The following THSD4 variants were observed in gnomAD, a reference collection of about 807,000 sequenced individuals.
THSD4 encodes thrombospondin type 1 domain containing 4.
THSD4 carries 69 observed loss-of-function variants against 119.0 expected under a neutral mutation model. The ratio of observed to expected loss-of-function variants is 0.58; its 90% CI spans 0.48 to 0.71. The LOEUF (loss-of-function observed/expected upper bound fraction) is 0.71, where lower values mean the gene tolerates loss of function less well. Among genes scored for constraint, THSD4 ranks in the 30% least tolerant of loss-of-function variants. The pLI, the probability that THSD4 is intolerant of heterozygous loss-of-function variation, is 0.00. For synonymous variants in THSD4, 524 were observed against 540.4 expected, an observed-to-expected ratio of 0.97 and a Z score of 0.42; for missense variants, 1,393 against 1,391.1, an observed-to-expected ratio of 1.00 and a Z score of -0.02.
chr15:71,256,103 G>A (rs1301735326), intron 5 of THSD4, among the ~76,000 whole-genome samples: 9 of 152,218 alleles, frequency 5.9e-5, no homozygotes, highest in Non-Finnish European at 1.0e-4. Context: ...CTGGGGATCT[G>A]CATTTAAACT....
chr15:71,274,293 C>G (rs2044565588), intron 6 of THSD4, among the ~76,000 whole-genome samples: 1 of 152,208 alleles, frequency 6.6e-6, no homozygotes, highest in African/African-American at 2.4e-5. Context: ...TTCCTGACAC[C>G]TTTGGGGGAA....
At chr15:71,632,352 C>A (rs2050648759) in intron 7 of THSD4, among the ~76,000 whole-genome samples, 1 of 152,190 alleles carries the variant, frequency 6.6e-6, no homozygotes, top group South Asian at 2.1e-4. Flanking sequence ...CTGTATGACC[C>A]CTCCTTGATC....
chr15:71,359,396 A>C (rs1786287356), intron 6 of THSD4, among the ~76,000 whole-genome samples: 1 of 152,252 alleles, frequency 6.6e-6, no homozygotes. Context: ...TGGTTTTCAC[A>C]GTAACCCTGG....
At chr15:71,687,334 G>C (rs2051931979) in intron 8 of THSD4, among the ~76,000 whole-genome samples, 1 of 152,142 alleles carries the variant, frequency 6.6e-6, no homozygotes, top group South Asian at 2.1e-4. Context: ...GATATTTGCT[G>C]TTAGGACCAG....
intron 6 of THSD4, among the ~76,000 whole-genome samples, chr15:71,340,411 C>T (rs28658320): frequency 0.14 from 20,757 of 152,068 alleles, 1,475 homozygotes; most frequent in South Asian, 0.19. Flanking sequence ...TGCCATCCAC[C>T]CTGTAGCTTT....
chr15:71,556,087 A>G (rs1406543381), intron 7 of THSD4, among the ~76,000 whole-genome samples: 3 of 152,158 alleles, frequency 2.0e-5, no homozygotes, highest in Non-Finnish European at 4.4e-5. Flanking sequence ...ATCAGTTCGC[A>G]TTATTCTTTG....
At chr15:71,384,827 A>G (rs1173109484) in intron 6 of THSD4, among the ~76,000 whole-genome samples, 1 of 152,238 alleles carries the variant, frequency 6.6e-6, no homozygotes. Flanking sequence ...ATGTAAAGGT[A>G]GACATGACAA....
chr15:71,518,278 A>G (rs1474465546), intron 7 of THSD4, among the ~76,000 whole-genome samples: 1 of 151,950 alleles, frequency 6.6e-6, no homozygotes, highest in Non-Finnish European at 1.5e-5. Flanking sequence ...TAATTTATAT[A>G]AGAAGTTATG....
At chr15:71,492,340 C>T (rs1425501520) in intron 7 of THSD4, among the ~76,000 whole-genome samples, 7 of 152,156 alleles carry the variant, frequency 4.6e-5, no homozygotes, top group Admixed American at 2.6e-4. Context: ...TCTCAGCTCA[C>T]TGCAACTTTT....
intron 7 of THSD4, among the ~76,000 whole-genome samples, chr15:71,548,003 A>G (rs1475794230): frequency 6.6e-6 from 1 of 151,636 alleles, no homozygotes; most frequent in Non-Finnish European, 1.5e-5. Context: ...CAGGGCTAGG[A>G]GTGTACCCAG....
At chr15:71,155,819 A>G (rs1206500962) in intron 3 of THSD4, among the ~76,000 whole-genome samples, 3 of 152,072 alleles carry the variant, frequency 2.0e-5, no homozygotes, top group Non-Finnish European at 4.4e-5. Context: ...ATGGAACTGG[A>G]AGATAAGAAC....
At chr15:71,747,074 C>A in intron 13 of THSD4, 32 bp downstream of exon 13, 2 of 1,561,488 alleles carry the variant, frequency 1.3e-6, no homozygotes, top group East Asian at 2.3e-5. Context: ...CTCTGCAGCT[C>A]CCTCTCCAGC....
intron 7 of THSD4, among the ~76,000 whole-genome samples, chr15:71,625,893 T>C (rs1182781583): frequency 1.3e-5 from 2 of 152,158 alleles, no homozygotes; most frequent in Non-Finnish European, 2.9e-5. Context: ...CATAATCCTG[T>C]TTAGAGAGTC....
intron 7 of THSD4, among the ~76,000 whole-genome samples, chr15:71,550,805 C>A (rs2048915521): frequency 6.6e-6 from 1 of 152,148 alleles, no homozygotes; most frequent in African/African-American, 2.4e-5. Flanking sequence ...TGGGTACAGA[C>A]AAGGTTTCTT....
chr15:71,224,447 G>C (rs1359830407), intron 4 of THSD4, among the ~76,000 whole-genome samples: 1 of 152,160 alleles, frequency 6.6e-6, no homozygotes, highest in Non-Finnish European at 1.5e-5. Context: ...CAAGCTGTTT[G>C]GCTATGCCAT....
chr15:71,332,878 T>A lies in THSD4; in HGVS notation c.1015+76163T>A, dbSNP rs544341380. ...AAATTTGTAAACTTTCTTAAAACAT[T>A]GAGATTTTTTTACATTTTTTTTTTT... On this transcript the variant is annotated intron_variant, in intron 6 of 17. Coordinates refer to ENST00000261862, the MANE Select transcript of THSD4 (RefSeq NM_024817.3). Among the ~76,000 whole-genome samples, 10 of 147,950 alleles carry A rather than the reference T, an allele frequency of 6.8e-5. No individual in the cohort carries two copies. The South Asian group carries it at 2.2e-3, about 33-fold the overall frequency.
intron 6 of THSD4, among the ~76,000 whole-genome samples, chr15:71,272,641 C>G (rs2044545656): frequency 6.6e-6 from 1 of 151,906 alleles, no homozygotes; most frequent in Non-Finnish European, 1.5e-5. Flanking sequence ...GCAGGCAGAT[C>G]ACTTAAGGTC....
At chr15:71,255,385 G>T (rs372312792) in intron 5 of THSD4, among the ~76,000 whole-genome samples, 3 of 152,288 alleles carry the variant, frequency 2.0e-5, no homozygotes, top group East Asian at 3.9e-4. Flanking sequence ...GCCACACTTT[G>T]CTCATATTTA....
chr15:71,267,912 A>G (rs1261275953), intron 6 of THSD4, among the ~76,000 whole-genome samples: 1 of 152,244 alleles, frequency 6.6e-6, no homozygotes, highest in African/African-American at 2.4e-5. Flanking sequence ...AGAGCTAACT[A>G]TCCTAAATAT....
Sources: gnomAD v4.1 joint callset for allele counts (sites outside exome capture counted in the v4.1 genomes callset) on GRCh38, gnomAD v4.1.1 for gene constraint, MANE v1.5 for transcripts, NCBI Gene and HGNC (gene_info 2026-07-23, HGNC 2026-07-21) for gene names.